ZNF569: variants seen among roughly 807,000 people sequenced by gnomAD.
The protein encoded by ZNF569 is DNA-binding protein.
A neutral mutation model predicts 56.3 loss-of-function variants in ZNF569; 38 were observed. The ratio of observed to expected loss-of-function variants is 0.68; its 90% CI spans 0.52 to 0.88. ZNF569 has a LOEUF of 0.88. Ranked by LOEUF, ZNF569 falls within the 40% of genes least tolerant of loss-of-function variation. The pLI is 0.00. For synonymous variants in ZNF569, 241 were observed against 262.9 expected (o/e 0.92, Z 0.81); for missense variants, 666 against 809.2 (o/e 0.82, Z 2.15).
chr19:37,419,969 C>CTTTTTTTTTTTTTTTTTT (rs60568702), intron 5 of ZNF569, among the ~76,000 whole-genome samples: 10 of 100,624 alleles, frequency 9.9e-5, no homozygotes, highest in East Asian at 3.0e-4. Context: ...TCTTTTCTTT[C>CTTTTTTTTTTTTTTTTTT]TTTTTTTTTT....
At chr19:37,446,549 CAAAAAA>C (rs74174464) in intron 2 of ZNF569, among the ~76,000 whole-genome samples, 6 of 60,454 alleles carry the variant, frequency 9.9e-5, no homozygotes, top group Admixed American at 1.9e-4. Flanking sequence ...GACTCCATCT[CAAAAAA>C]AAAAAAAAAA....
chr19:37,455,892 T>G (rs1275522933), intron 2 of ZNF569, among the ~76,000 whole-genome samples: 1 of 152,230 alleles, frequency 6.6e-6, no homozygotes, highest in Non-Finnish European at 1.5e-5. Context: ...TGGGTACCGC[T>G]CTATCTGGGA....
intron 2 of ZNF569, among the ~76,000 whole-genome samples, chr19:37,464,510 GTA>G (rs1051425898): frequency 6.6e-6 from 1 of 152,068 alleles, no homozygotes; most frequent in African/African-American, 2.4e-5. Context: ...CATTTTCACT[GTA>G]TCTTTTCTGT....
At chr19:37,441,460 T>A (rs137919144) in intron 3 of ZNF569, among the ~76,000 whole-genome samples, 1 of 152,030 alleles carries the variant, frequency 6.6e-6, no homozygotes, top group Non-Finnish European at 1.5e-5. Context: ...GAGTTCGAGA[T>A]CAGCCTGGGC....
chr19:37,415,696 C>T (rs965944682), intron 5 of ZNF569, among the ~76,000 whole-genome samples: 3 of 148,100 alleles, frequency 2.0e-5, no homozygotes, highest in African/African-American at 7.6e-5. Flanking sequence ...CAGTGAAACC[C>T]CATCTCTACT....
intron 2 of ZNF569, among the ~76,000 whole-genome samples, chr19:37,448,147 A>C (rs563650855): frequency 6.6e-6 from 1 of 152,164 alleles, no homozygotes; most frequent in African/African-American, 2.4e-5. Flanking sequence ...GTTTGTATAG[A>C]ATCATTAGAA....
chr19:37,431,955 G>A (rs2041232456), intron 3 of ZNF569, among the ~76,000 whole-genome samples: 1 of 152,196 alleles, frequency 6.6e-6, no homozygotes, highest in African/African-American at 2.4e-5. Flanking sequence ...CCTGTGGAAA[G>A]GGGAGGGAAG....
At chr19:37,428,824 G>A (rs953083651) in intron 3 of ZNF569, among the ~76,000 whole-genome samples, 5 of 151,856 alleles carry the variant, frequency 3.3e-5, no homozygotes, top group East Asian at 1.9e-4. Flanking sequence ...ACAGGCGTGC[G>A]CCACCACACC....
At chr19:37,453,248 A>G (rs182124290) in intron 2 of ZNF569, among the ~76,000 whole-genome samples, 172 of 152,276 alleles carry the variant, frequency 1.1e-3, no homozygotes, top group African/African-American at 3.6e-3. Flanking sequence ...TATCTCCAGC[A>G]ACAGGGTATC....
chr19:37,462,645 A>G (rs928205392), intron 2 of ZNF569, among the ~76,000 whole-genome samples: 9 of 151,826 alleles, frequency 5.9e-5, no homozygotes, highest in African/African-American at 2.2e-4. Context: ...AGAATATCAC[A>G]CTCACCTAGT....
intron 3 of ZNF569, among the ~76,000 whole-genome samples, chr19:37,436,874 C>A (rs1052125257): frequency 2.3e-4 from 35 of 152,078 alleles, no homozygotes; most frequent in African/African-American, 8.2e-4. Flanking sequence ...GGCTTCACTG[C>A]TGAATTTTAC....
chr19:37,435,953 A>G (rs913263983), intron 3 of ZNF569, among the ~76,000 whole-genome samples: 2 of 152,194 alleles, frequency 1.3e-5, no homozygotes, highest in African/African-American at 2.4e-5. Flanking sequence ...ATAGAAATCA[A>G]CAAAGAACTA....
chr19:37,412,301 G>A lies in ZNF569; in HGVS notation c.*296C>T, dbSNP rs1014771640. The A allele has an allele frequency of 2.8e-5, 8 of 288,118 alleles. No homozygotes were observed. The highest frequency in any genetic ancestry group is 1.7e-4 in the African/African-American group (8 of 45,890). The allele number at this position is 288,118 out of a possible 1,614,324, so 17.8% of individuals were successfully genotyped here. ...CTTGTTTTCCTTACTTAATACATTG[G>A]CTAGGAGCTCAAGTGTTGTGTTGTT... On this transcript the variant is annotated 3_prime_UTR_variant, in exon 6 of 6. Transcript: ENST00000316950.
chr19:37,439,912 G>T (rs535772332), intron 3 of ZNF569, among the ~76,000 whole-genome samples: 1 of 152,304 alleles, frequency 6.6e-6, no homozygotes, highest in African/African-American at 2.4e-5. Context: ...AGCTAGGAAG[G>T]ATAGTGGGTG....
At chr19:37,418,032 C>T (rs1023645427) in intron 5 of ZNF569, among the ~76,000 whole-genome samples, 14 of 151,454 alleles carry the variant, frequency 9.2e-5, no homozygotes, top group African/African-American at 2.2e-4. Flanking sequence ...ACCTGGGAGG[C>T]GGAGGTTGCA....
intron 5 of ZNF569, among the ~76,000 whole-genome samples, chr19:37,421,282 T>C (rs1600295533): frequency 6.6e-6 from 1 of 152,304 alleles, no homozygotes; most frequent in Non-Finnish European, 1.5e-5. Flanking sequence ...CAGTCTGTCA[T>C]TTGAAACTTT....
At chr19:37,430,281 G>A (rs2041204791) in intron 3 of ZNF569, among the ~76,000 whole-genome samples, 1 of 151,670 alleles carries the variant, frequency 6.6e-6, no homozygotes, top group African/African-American at 2.4e-5. Context: ...ATAAGTTAGA[G>A]AGGAGAGAGA....
intron 2 of ZNF569, among the ~76,000 whole-genome samples, chr19:37,459,283 C>CA (rs35532078): frequency 0.21 from 31,472 of 149,016 alleles, 3,486 homozygotes; most frequent in South Asian, 0.32. Flanking sequence ...AAAACAACAA[C>CA]AAAAAAAAAC....
At chr19:37,447,991 A>G (rs2041526734) in intron 2 of ZNF569, among the ~76,000 whole-genome samples, 1 of 152,106 alleles carries the variant, frequency 6.6e-6, no homozygotes, top group African/African-American at 2.4e-5. Context: ...CAATTCACCC[A>G]TATTCTGTTG....
Sources: gnomAD v4.1 joint callset for allele counts (sites outside exome capture counted in the v4.1 genomes callset) on GRCh38, gnomAD v4.1.1 for gene constraint, MANE v1.5 for transcripts, NCBI Gene and HGNC (gene_info 2026-07-23, HGNC 2026-07-21) for gene names.